Variants in TMEM181 observed in about 807,000 individuals in gnomAD.
TMEM181 encodes transmembrane protein 181.
TMEM181 carries 39 observed loss-of-function variants against 71.9 expected under a neutral mutation model. The ratio of observed to expected loss-of-function variants is 0.54; its 90% CI spans 0.42 to 0.71. TMEM181 has a LOEUF of 0.71. Among genes scored for constraint, TMEM181 ranks in the 30% least tolerant of loss-of-function variants. The pLI is 0.00. For missense variants in TMEM181, 595 were observed against 583.0 expected (o/e 1.02, Z -0.21); for synonymous variants, 245 against 228.8 (o/e 1.07, Z -0.64).
intron 4 of TMEM181, 148 bp from the exon 5 acceptor site, chr6:158,585,156 A>T: frequency 2.6e-6 from 2 of 759,310 alleles, no homozygotes; most frequent in East Asian, 3.0e-5. Context: ...CTGGGCAATT[A>T]AGAGATTTTC....
intron 2 of TMEM181, among the ~76,000 whole-genome samples, chr6:158,579,217 C>A (rs895560714): frequency 3.3e-5 from 5 of 150,328 alleles, no homozygotes; most frequent in Non-Finnish European, 5.9e-5. Context: ...CGAGATCACG[C>A]TATTGTACTC....
chr6:158,619,867 CAAAAAAA>C (rs61626531), intron 10 of TMEM181, among the ~76,000 whole-genome samples: 10 of 67,708 alleles, frequency 1.5e-4, no homozygotes, highest in East Asian at 3.8e-4. Context: ...GACTCCGTCT[CAAAAAAA>C]AAAAAAAAAA....
chr6:158,628,525 C>G (rs373878420), intron 14 of TMEM181, 35 bp downstream of exon 14: 1 of 1,589,844 alleles, frequency 6.3e-7, no homozygotes, highest in Admixed American at 1.7e-5. Context: ...GGCTGCAGGA[C>G]GCCTGCTTAG....
rs77953374 is a variant in TMEM181 at position 158,611,835 on chromosome 6, T to C, written c.896+3085T>C. ...CGAGTTAGGTCAGAGTCACTCTCTC[T>C]TACAGGCTAAGAGTATTTAAGGGTT... is the stretch of plus-strand genomic sequence containing the variant. On this transcript the variant is annotated intron_variant, in intron 10 of 16. Coordinates refer to ENST00000684151, the MANE Select transcript of TMEM181 (RefSeq NM_001376852.1). 20 of 186,094 alleles carry C rather than the reference T, an allele frequency of 1.1e-4. No homozygotes were observed. In the East Asian group the frequency reaches 2.2e-3, roughly 20 times the overall value. The allele number at this position is 186,094 out of a possible 1,614,324, so 11.5% of individuals were successfully genotyped here.
At position 158,589,792 on chromosome 6, in the gene TMEM181, C is replaced by G. The variant is rs1004699950; in HGVS notation, c.492+10C>G. Reference sequence around the variant, plus strand: ...GGGAATGAACTTCACAGTAAGTATACCAGCTGACTGCACGTTTCCATGGCT... The same window carrying G: ...GGGAATGAACTTCACAGTAAGTATAGCAGCTGACTGCACGTTTCCATGGCT... On this transcript the variant is annotated intron_variant, in intron 6 of 16. Transcript: ENST00000684151. The G allele has an allele frequency of 1.3e-6, 2 of 1,572,608 alleles. No individual in the cohort carries two copies. Among genetic ancestry groups the G allele is most frequent in the East Asian group, 4.5e-5 (2 of 44,696 alleles).
intron 2 of TMEM181, among the ~76,000 whole-genome samples, chr6:158,580,391 T>C (rs190334051): frequency 3.2e-3 from 495 of 152,312 alleles, no homozygotes; most frequent in African/African-American, 0.011. Flanking sequence ...TGGCAAATCT[T>C]ATGTATATTT....
rs1353900249 is a variant in TMEM181, at chr6:158,632,964, GAGGCTGAGGTGGGAGGATTGCT to G, written c.*1077_*1098del. ...CATGCCCATAGTCCCAGCTACTCAG[GAGGCTGAGGTGGGAGGATTGCT>G]TGAGCCCTGGAGGTCAAGGCTGCAG... On this transcript the variant is annotated 3_prime_UTR_variant, in exon 17 of 17. Transcript: ENST00000684151. The G allele has an allele frequency of 6.6e-6, 1 of 152,290 alleles. No homozygotes were observed. Among genetic ancestry groups the G allele is most frequent in the Non-Finnish European group, 1.5e-5 (1 of 68,148 alleles). 9.4% of individuals were successfully genotyped at this position (152,290 alleles called of 1,614,324 possible).
Position 158,633,781 on chromosome 6 carries a change from G to C in TMEM181, c.*1893G>C, listed in dbSNP as rs1484890129. The C allele has an allele frequency of 2.0e-5, 3 of 152,080 alleles. No homozygotes were observed. The highest frequency in any genetic ancestry group is 4.4e-5 in the Non-Finnish European group (3 of 68,014). The allele number at this position is 152,080 out of a possible 1,614,324, so 9.4% of individuals were successfully genotyped here. ...CTGCAAGGGTAATTCAAGTTTACATGATTTTTAAATTTGCAATGATGTTTT... is the reference window on the plus strand; with the variant it reads ...CTGCAAGGGTAATTCAAGTTTACATCATTTTTAAATTTGCAATGATGTTTT... On this transcript the variant is annotated 3_prime_UTR_variant, in exon 17 of 17. Coordinates refer to ENST00000684151, the MANE Select transcript of TMEM181 (RefSeq NM_001376852.1).
chr6:158,624,776 C>T (rs752582490), intron 11 of TMEM181, among the ~76,000 whole-genome samples: 2 of 152,220 alleles, frequency 1.3e-5, no homozygotes, highest in Non-Finnish European at 2.9e-5. Flanking sequence ...GAGCCAGCCC[C>T]TCGCCCCCAG....
chr6:158,574,729 T>C (rs1240111223), intron 2 of TMEM181, among the ~76,000 whole-genome samples: 2 of 152,232 alleles, frequency 1.3e-5, no homozygotes, highest in African/African-American at 4.8e-5. Flanking sequence ...ATACGAAATA[T>C]CTACCTATCT....
intron 1 of TMEM181, among the ~76,000 whole-genome samples, chr6:158,552,525 C>T (rs774650679): frequency 6.6e-6 from 1 of 152,162 alleles, no homozygotes; most frequent in Non-Finnish European, 1.5e-5. Context: ...CAAGAAAAGC[C>T]AAGAGTACAG....
intron 1 of TMEM181, among the ~76,000 whole-genome samples, chr6:158,542,957 C>G (rs924114599): frequency 2.6e-4 from 37 of 141,654 alleles, no homozygotes; most frequent in Admixed American, 7.7e-5. Flanking sequence ...CTCACTGCAA[C>G]CTCCACCTCC....
chr6:158,560,210 G>C lies in TMEM181; in HGVS notation c.-15G>C. 1 of 984,860 alleles carries C rather than the reference G, an allele frequency of 1.0e-6. No individual in the cohort carries two copies. 61.0% of individuals were successfully genotyped at this position (984,860 alleles called of 1,614,324 possible). A position where few individuals can be genotyped will look rare whatever the true frequency, so the allele number is the denominator to read the frequency against. ...CGGGACGCGCGGGCCGGGGCCGAGGGCTCTGGGCGCCGAGATGGAGCCGTG... is the reference window on the plus strand; with the variant it reads ...CGGGACGCGCGGGCCGGGGCCGAGGCCTCTGGGCGCCGAGATGGAGCCGTG... On this transcript the variant is annotated 5_prime_UTR_variant, in exon 1 of 17. Transcript: ENST00000684151.
At chr6:158,613,155 C>A (rs1056245276) in intron 10 of TMEM181, among the ~76,000 whole-genome samples, 2 of 152,124 alleles carry the variant, frequency 1.3e-5, no homozygotes, top group African/African-American at 4.8e-5. Flanking sequence ...GGGTTGATTC[C>A]TGTAACAGAT....
Position 158,608,738 on chromosome 6 carries a change from G to A in TMEM181, c.884G>A (p.Gly295Glu). 1 of 1,611,364 alleles carries A rather than the reference G, an allele frequency of 6.2e-7. No individual in the cohort carries two copies. The highest frequency in any genetic ancestry group is 8.5e-7 in the Non-Finnish European group (1 of 1,179,320). ...GLLWLASVTL[G>E]IWQTVNELHD... is the part of the protein sequence containing the mutation. ...TTGTGGTTGGCTTCTGTTACGCTAGGAATATGGCAAACGTGAGTAATTCTA... is the reference window on the plus strand; with the variant it reads ...TTGTGGTTGGCTTCTGTTACGCTAGAAATATGGCAAACGTGAGTAATTCTA... Residue 295 changes from glycine to glutamate, a missense_variant, in exon 10 of 17, where the codon GGA (glycine) becomes GAA (glutamate). Coordinates refer to ENST00000684151, the MANE Select transcript of TMEM181 (RefSeq NM_001376852.1).
chr6:158,608,001 G>A (rs1447937896), intron 8 of TMEM181, among the ~76,000 whole-genome samples: 1 of 152,396 alleles, frequency 6.6e-6, no homozygotes, highest in East Asian at 1.9e-4. Context: ...GCTGATGGCA[G>A]TGGCATACGG....
chr6:158,603,579 T>A (rs919546118), intron 6 of TMEM181, among the ~76,000 whole-genome samples: 4 of 111,134 alleles, frequency 3.6e-5, no homozygotes, highest in Admixed American at 1.2e-4. Flanking sequence ...TATGTTGATT[T>A]TTTTTCAGGT....
chr6:158,631,210 G>A (rs982039562), intron 15 of TMEM181, 113 bp from the exon 16 acceptor site: 1 of 1,059,446 alleles, frequency 9.4e-7, no homozygotes, highest in Non-Finnish European at 1.5e-6. Context: ...TGGCAGCTCT[G>A]CGATTTGAGT....
chr6:158,574,579 C>T (rs1453333492), intron 2 of TMEM181, among the ~76,000 whole-genome samples: 2 of 152,166 alleles, frequency 1.3e-5, no homozygotes, highest in East Asian at 3.9e-4. Context: ...TTATATCAAA[C>T]CCTCTCCATT....
Sources: gnomAD v4.1 joint callset for allele counts (sites outside exome capture counted in the v4.1 genomes callset) on GRCh38, gnomAD v4.1.1 for gene constraint, MANE v1.5 for transcripts, NCBI Gene and HGNC (gene_info 2026-07-23, HGNC 2026-07-21) for gene names.